MINDY3: variants seen among roughly 807,000 people sequenced by gnomAD.
The protein encoded by MINDY3 is ubiquitin carboxyl-terminal hydrolase MINDY-3.
Under a neutral mutation model 69.2 loss-of-function variants are expected in MINDY3, and 38 were observed. The observed-to-expected ratio is 0.55, with a 90% confidence interval of 0.42 to 0.72. MINDY3 has a LOEUF of 0.72. Ranked by LOEUF, MINDY3 falls within the 30% of genes least tolerant of loss-of-function variation. The pLI is 0.00. For synonymous variants in MINDY3, 192 were observed against 180.1 expected (o/e 1.07, Z -0.53); for missense variants, 522 against 519.0 (o/e 1.01, Z -0.06).
At chr10:15,815,434 T>C (rs956278370) in intron 10 of MINDY3, among the ~76,000 whole-genome samples, 1 of 152,214 alleles carries the variant, frequency 6.6e-6, no homozygotes, top group East Asian at 1.9e-4. Flanking sequence ...AAACTTAGCA[T>C]TGTCAATTCA....
intron 10 of MINDY3, among the ~76,000 whole-genome samples, chr10:15,811,528 T>C (rs1214951461): frequency 1.3e-5 from 2 of 152,116 alleles, no homozygotes; most frequent in East Asian, 1.9e-4. Context: ...CAAACACAAA[T>C]TATTCCAAAA....
At chr10:15,848,994 T>C (rs564672838) in intron 1 of MINDY3, among the ~76,000 whole-genome samples, 9 of 152,364 alleles carry the variant, frequency 5.9e-5, no homozygotes, top group African/African-American at 2.2e-4. Flanking sequence ...ATCTAGGATA[T>C]ATGCCTGGAT....
chr10:15,786,581 G>T lies in MINDY3; in HGVS notation c.1096C>A (p.Gln366Lys). 1 of 1,583,388 alleles carries T rather than the reference G, an allele frequency of 6.3e-7. No homozygotes were observed. Among genetic ancestry groups the T allele is most frequent in the Non-Finnish European group, 8.7e-7 (1 of 1,153,916 alleles). ...GTTACCTGATCAGGAAAAAATTCTT[G>T]AAGAAATGGGCCCAATAATATGATT... ...LGIILLGPFL[Q>K]EFFPDQGSSG... Residue 366 changes from glutamine (Q) to lysine (K), a missense_variant, in exon 13 of 15, where the codon CAA (glutamine) becomes AAA (lysine). Coordinates refer to ENST00000277632, the MANE Select transcript of MINDY3 (RefSeq NM_024948.4).
intron 3 of MINDY3, 93 bp downstream of exon 3, chr10:15,843,119 A>T (rs1290425888): frequency 9.8e-7 from 1 of 1,019,804 alleles, no homozygotes; most frequent in African/African-American, 1.6e-5. Context: ...AGGAAAAAAA[A>T]TTCCCACTGA....
intron 14 of MINDY3, among the ~76,000 whole-genome samples, chr10:15,781,274 A>C (rs1310155332): frequency 6.6e-6 from 1 of 151,798 alleles, no homozygotes; most frequent in African/African-American, 2.4e-5. Context: ...AAAATTATGT[A>C]CTTAATTTAC....
chr10:15,843,320 A>T, intron 2 of MINDY3, 48 bp from the exon 3 acceptor site: 1 of 1,392,506 alleles, frequency 7.2e-7, no homozygotes, highest in Non-Finnish European at 1.0e-6. Context: ...ATAACCATAC[A>T]TCATATCATT....
At chr10:15,815,928 T>G (rs1479462993) in intron 10 of MINDY3, among the ~76,000 whole-genome samples, 3 of 152,140 alleles carry the variant, frequency 2.0e-5, no homozygotes, top group African/African-American at 7.2e-5. Context: ...CAGATTATAG[T>G]TGAGATTTAA....
chr10:15,809,198 A>G (rs1192318425), intron 10 of MINDY3, among the ~76,000 whole-genome samples: 1 of 152,184 alleles, frequency 6.6e-6, no homozygotes, highest in Admixed American at 6.6e-5. Flanking sequence ...TAGGGAGAAA[A>G]TAGAGGACAA....
At chr10:15,781,736 A>T (rs1200464875) in intron 14 of MINDY3, among the ~76,000 whole-genome samples, 1 of 152,184 alleles carries the variant, frequency 6.6e-6, no homozygotes, top group Admixed American at 6.5e-5. Context: ...ACTTAATACA[A>T]TTTCGGGTAA....
chr10:15,831,106 CAGAT>C (rs1376859442), intron 8 of MINDY3, among the ~76,000 whole-genome samples: 1 of 152,014 alleles, frequency 6.6e-6, no homozygotes, highest in East Asian at 1.9e-4. Flanking sequence ...AAGTTAGAGA[CAGAT>C]AAAGAGGAGA....
intron 1 of MINDY3, among the ~76,000 whole-genome samples, chr10:15,855,306 T>C (rs945419726): frequency 6.6e-6 from 1 of 152,128 alleles, no homozygotes; most frequent in African/African-American, 2.4e-5. Flanking sequence ...TATTCTATCC[T>C]AAAACAGGAC....
chr10:15,847,638 AT>A (rs1259797723), intron 2 of MINDY3, among the ~76,000 whole-genome samples: 1 of 152,180 alleles, frequency 6.6e-6, no homozygotes, highest in African/African-American at 2.4e-5. Context: ...AACGCCTATT[AT>A]TTTTCCTTGA....
chr10:15,799,156 T>C (rs1395380322), intron 10 of MINDY3, among the ~76,000 whole-genome samples: 2 of 152,076 alleles, frequency 1.3e-5, no homozygotes, highest in Admixed American at 6.6e-5. Context: ...TGCTGACCTA[T>C]GATTTAGATA....
At chr10:15,802,519 C>T (rs1408247331) in intron 10 of MINDY3, among the ~76,000 whole-genome samples, 1 of 152,060 alleles carries the variant, frequency 6.6e-6, no homozygotes, top group Non-Finnish European at 1.5e-5. Flanking sequence ...GCCCCCATGA[C>T]TCAATCGCCT....
At chr10:15,800,877 T>C (rs144800286) in intron 10 of MINDY3, among the ~76,000 whole-genome samples, 291 of 152,236 alleles carry the variant, frequency 1.9e-3, no homozygotes, top group African/African-American at 6.5e-3. Flanking sequence ...AAGTGCAGGG[T>C]TGCTATAGGA....
intron 10 of MINDY3, among the ~76,000 whole-genome samples, chr10:15,799,060 C>T (rs1362489436): frequency 6.6e-6 from 1 of 151,992 alleles, no homozygotes; most frequent in African/African-American, 2.4e-5. Context: ...GGCATATGGT[C>T]TTAGCAGCAA....
chr10:15,781,721 A>G (rs1197903304), intron 14 of MINDY3, among the ~76,000 whole-genome samples: 27 of 152,200 alleles, frequency 1.8e-4, no homozygotes, highest in Admixed American at 1.8e-3. Flanking sequence ...AAACTTAAGC[A>G]AAGTACTTAA....
At chr10:15,823,963 C>G (rs889863899) in intron 8 of MINDY3, among the ~76,000 whole-genome samples, 3 of 152,162 alleles carry the variant, frequency 2.0e-5, no homozygotes, top group Non-Finnish European at 4.4e-5. Flanking sequence ...TTCACGTATA[C>G]TGCAAATAAC....
At chr10:15,849,414 T>A (rs958605628) in intron 1 of MINDY3, among the ~76,000 whole-genome samples, 2 of 150,744 alleles carry the variant, frequency 1.3e-5, no homozygotes, top group Admixed American at 1.3e-4. Flanking sequence ...CCAGCAGAGA[T>A]CTTTCAGTAA....
Sources: allele counts gnomAD v4.1 joint callset (sites outside exome capture counted in the v4.1 genomes callset), GRCh38; gene constraint gnomAD v4.1.1; transcripts MANE v1.5; gene names NCBI Gene and HGNC (gene_info 2026-07-23, HGNC 2026-07-21).